PREX2: variants seen among roughly 807,000 people sequenced by gnomAD.
PREX2 encodes the protein phosphatidylinositol-3,4,5-trisphosphate dependent Rac exchange factor 2.
In PREX2, 107 loss-of-function variants were observed where a neutral mutation model predicts 203.2. The observed-to-expected ratio is 0.53, with a 90% CI of 0.45 to 0.62. The LOEUF (loss-of-function observed/expected upper bound fraction) is 0.62. Among genes scored for constraint, PREX2 ranks in the 20% least tolerant of loss-of-function variants. The probability of loss-of-function intolerance (pLI) is 0.00; values close to 1 mark genes in which losing one functional copy is unlikely to be tolerated. For missense variants in PREX2, 1,777 were observed against 1,955.9 expected, an observed-to-expected ratio of 0.91 and a Z score of 1.72; for synonymous variants, 672 against 663.6, an observed-to-expected ratio of 1.01 and a Z score of -0.19.
intron 1 of PREX2, among the ~76,000 whole-genome samples, chr8:68,003,842 CT>C (rs148890144): frequency 8.8e-4 from 80 of 90,624 alleles, no homozygotes; most frequent in African/African-American, 2.0e-3. Flanking sequence ...CTGGCCTGAC[CT>C]TTTTTTTTTT....
At chr8:67,973,099 C>A (rs1303407630) in intron 1 of PREX2, among the ~76,000 whole-genome samples, 1 of 152,140 alleles carries the variant, frequency 6.6e-6, no homozygotes, top group African/African-American at 2.4e-5. Flanking sequence ...CTAAGTGTCA[C>A]TAGATATACC....
At chr8:68,029,869 C>T (rs956346702) in intron 5 of PREX2, among the ~76,000 whole-genome samples, 33 of 151,942 alleles carry the variant, frequency 2.2e-4, no homozygotes, top group African/African-American at 8.0e-4. Flanking sequence ...ATACCAAAAA[C>T]AAAAAAGGAA....
At chr8:68,173,936 T>A (rs976371023) in intron 35 of PREX2, among the ~76,000 whole-genome samples, 1 of 152,182 alleles carries the variant, frequency 6.6e-6, no homozygotes. Context: ...AAAAAGATAG[T>A]TAGGGAAATA....
chr8:68,030,976 C>G (rs957723265), intron 6 of PREX2, among the ~76,000 whole-genome samples: 3 of 152,038 alleles, frequency 2.0e-5, no homozygotes, highest in East Asian at 1.9e-4. Flanking sequence ...AAGTACATAG[C>G]CTGAATCCTG....
At chr8:68,170,574 A>G (rs1315493441) in intron 35 of PREX2, among the ~76,000 whole-genome samples, 3 of 152,230 alleles carry the variant, frequency 2.0e-5, no homozygotes, top group African/African-American at 7.2e-5. Flanking sequence ...AGAAATGCTT[A>G]ACAGCTGTTT....
chr8:68,143,223 G>A (rs993094934), intron 33 of PREX2, among the ~76,000 whole-genome samples: 1 of 151,964 alleles, frequency 6.6e-6, no homozygotes, highest in South Asian at 2.1e-4. Context: ...GGAGGTGATT[G>A]GATCATGGGG....
intron 1 of PREX2, among the ~76,000 whole-genome samples, chr8:67,968,228 C>A (rs982270830): frequency 1.3e-5 from 2 of 152,190 alleles, no homozygotes; most frequent in Admixed American, 6.5e-5. Flanking sequence ...CATCTGCCAG[C>A]GACTGGGGAG....
chr8:68,017,495 A>T (rs992136360), intron 1 of PREX2, among the ~76,000 whole-genome samples: 1 of 152,138 alleles, frequency 6.6e-6, no homozygotes, highest in Non-Finnish European at 1.5e-5. Flanking sequence ...TTGTTGTTTT[A>T]TTAGAAATGC....
Position 67,974,131 on chromosome 8 carries a change from AAG to A in PREX2, c.141+21599_141+21600del, listed in dbSNP as rs1416531068. 3.3e-5 allele frequency among the ~76,000 whole-genome samples: 5 copies of A among 152,324 alleles called. No homozygotes were observed. The East Asian group carries it at 9.6e-4, about 29-fold the overall frequency. ...CTTCACTTAGATTGAAAATTGGAGA[AAG>A]AGTGAATTATTACTAAAAATTGCTT... is the stretch of plus-strand genomic sequence containing the variant. On this transcript the variant is annotated intron_variant, in intron 1 of 39. Transcript: ENST00000288368.
At chr8:68,037,844 T>G (rs1248456202) in intron 6 of PREX2, among the ~76,000 whole-genome samples, 2 of 152,186 alleles carry the variant, frequency 1.3e-5, no homozygotes, top group Non-Finnish European at 2.9e-5. Flanking sequence ...GTTAACATTA[T>G]GAATTAATTT....
At position 68,087,974 on chromosome 8, in the gene PREX2, G is replaced by A. The variant is rs147094536; in HGVS notation, c.2113+165G>A. Among the ~76,000 whole-genome samples the A allele has an allele frequency of 3.3e-3, 474 of 144,618 alleles. 2 individuals carry two copies. The highest frequency in any genetic ancestry group is 0.01 in the African/African-American group (411 of 41,020). The allele number at this position is 144,618 out of a possible 152,430, so 94.9% of individuals were successfully genotyped here. A position where few individuals can be genotyped will look rare whatever the true frequency, so the allele number is the denominator to read the frequency against. ...CACATTCCAGAAACATTAAAAAAACGAAAAAATTCTAAGCCATATTTATCA... is the reference window on the plus strand; with the variant it reads ...CACATTCCAGAAACATTAAAAAAACAAAAAAATTCTAAGCCATATTTATCA... On this transcript the variant is annotated intron_variant, in intron 19 of 39. Coordinates refer to ENST00000288368, the MANE Select transcript of PREX2 (RefSeq NM_024870.4).
At chr8:68,070,863 A>C (rs1368727096) in intron 13 of PREX2, among the ~76,000 whole-genome samples, 1 of 152,144 alleles carries the variant, frequency 6.6e-6, no homozygotes, top group Non-Finnish European at 1.5e-5. Context: ...AGAAAGCAGG[A>C]TCTTACCCAC....
chr8:68,181,902 A>T (rs1412895474), intron 35 of PREX2, among the ~76,000 whole-genome samples: 1 of 152,052 alleles, frequency 6.6e-6, no homozygotes, highest in Non-Finnish European at 1.5e-5. Context: ...TTTAGTGGGG[A>T]AATAAAAATG....
intron 31 of PREX2, among the ~76,000 whole-genome samples, chr8:68,127,966 A>G (rs1810928721): frequency 6.6e-6 from 1 of 152,184 alleles, no homozygotes; most frequent in Non-Finnish European, 1.5e-5. Context: ...CAAATGCCTA[A>G]AATAGTGGCT....
At chr8:67,976,394 CAG>C (rs10581118) in intron 1 of PREX2, among the ~76,000 whole-genome samples, 40,871 of 133,788 alleles carry the variant, frequency 0.31, 5,832 homozygotes, top group East Asian at 0.58. Flanking sequence ...GGGAGAGAGA[CAG>C]AGAGAGAGAG....
At chr8:68,077,650 C>T (rs1809390524) in intron 15 of PREX2, among the ~76,000 whole-genome samples, 181 bp downstream of exon 15, 1 of 152,196 alleles carries the variant, frequency 6.6e-6, no homozygotes. Context: ...TGGTGCCATC[C>T]CTATGTCTAA....
intron 11 of PREX2, 49 bp downstream of exon 11, chr8:68,060,828 T>A: frequency 8.4e-7 from 1 of 1,189,614 alleles, no homozygotes; most frequent in Non-Finnish European, 1.2e-6. Context: ...ATTGGCCATA[T>A]GTATCTTAAT....
chr8:68,065,166 A>G (rs1808978802), intron 11 of PREX2, among the ~76,000 whole-genome samples: 2 of 152,240 alleles, frequency 1.3e-5, no homozygotes, highest in Admixed American at 1.3e-4. Context: ...TATCAAAGGC[A>G]GAAGCATTTG....
At chr8:68,124,310 A>G (rs948604522) in intron 30 of PREX2, among the ~76,000 whole-genome samples, 1 of 152,120 alleles carries the variant, frequency 6.6e-6, no homozygotes. Context: ...ATGCAGCCAT[A>G]AAAAAGAATG....
Sources: allele counts gnomAD v4.1 joint callset (sites outside exome capture counted in the v4.1 genomes callset), GRCh38; gene constraint gnomAD v4.1.1; transcripts MANE v1.5; gene names NCBI Gene and HGNC (gene_info 2026-07-23, HGNC 2026-07-21).